The following PTBP2 variants were observed in gnomAD, a reference collection of about 807,000 sequenced individuals.
The protein encoded by PTBP2 is polypyrimidine tract-binding protein 2.
PTBP2 carries 13 observed loss-of-function variants against 61.4 expected under a neutral mutation model. That is an observed-to-expected ratio of 0.21 (90% confidence interval 0.14 to 0.34). The LOEUF is 0.34. PTBP2 is among the 10% of genes least tolerant of loss of function. The pLI is 1.00. For synonymous variants in PTBP2, 215 were observed against 218.5 expected (o/e 0.98, Z 0.14); for missense variants, 405 against 642.6 (o/e 0.63, Z 4.00).
At chr1:96,819,862 T>TAA (rs1482386675), downstream of PTBP2, 1 of 151,764 alleles carries the variant, frequency 6.6e-6, no homozygotes, top group Non-Finnish European at 1.5e-5. Context: ...GTCGAAGAAT[T>TAA]ACGGTTAAAG....
At chr1:96,732,047 T>A (rs975062385) in intron 2 of PTBP2, among the ~76,000 whole-genome samples, 8 of 152,164 alleles carry the variant, frequency 5.3e-5, no homozygotes, top group African/African-American at 1.9e-4. Context: ...TATTAATATA[T>A]CAAGACCTAT....
At chr1:96,796,290 CA>C (rs35764825) in intron 8 of PTBP2, among the ~76,000 whole-genome samples, 448 of 123,004 alleles carry the variant, frequency 3.6e-3, no homozygotes, top group African/African-American at 3.5e-3. Context: ...CCGTCTCCAC[CA>C]AAAAAAAAAA....
At chr1:96,767,959 T>G (rs188031512) in intron 3 of PTBP2, among the ~76,000 whole-genome samples, 2 of 152,116 alleles carry the variant, frequency 1.3e-5, no homozygotes, top group East Asian at 3.9e-4. Flanking sequence ...CCTAAGGGGA[T>G]TTTTAAATGC....
chr1:96,766,448 TC>T (rs537859444), intron 3 of PTBP2, among the ~76,000 whole-genome samples: 220 of 152,198 alleles, frequency 1.4e-3, no homozygotes, highest in African/African-American at 5.2e-3. Context: ...TCTCTTTCAT[TC>T]CCCCAGTAAA....
rs947307251 is a variant in PTBP2 at position 96,721,941 on chromosome 1, G to A, written c.8+69G>A. On this transcript the variant is annotated intron_variant, in intron 1 of 13. Transcript: ENST00000674951. ...TGGACCGTCCTTCGGCCCGGTCCCG[G>A]GCCGGGGAGAAACCCTCCCGCGGCC... 5 of 1,550,250 alleles carry A rather than the reference G, an allele frequency of 3.2e-6. No homozygotes were observed. The African/African-American group carries it at 6.8e-5, about 21-fold the overall frequency.
chr1:96,724,781 C>T (rs991004403), intron 2 of PTBP2, among the ~76,000 whole-genome samples: 4 of 151,908 alleles, frequency 2.6e-5, no homozygotes, highest in African/African-American at 4.8e-5. Context: ...GGGTGCAGCA[C>T]ACCAACATGG....
intron 9 of PTBP2, 100 bp from the exon 10 acceptor site, chr1:96,806,319 C>CG: frequency 1.0e-6 from 1 of 989,646 alleles, no homozygotes; most frequent in Non-Finnish European, 1.6e-6. Flanking sequence ...CACCATTCTG[C>CG]GGGAACCACC....
At chr1:96,733,724 A>G (rs537025733) in intron 2 of PTBP2, among the ~76,000 whole-genome samples, 119 of 152,280 alleles carry the variant, frequency 7.8e-4, no homozygotes, top group African/African-American at 2.7e-3. Flanking sequence ...TGACCCTTGA[A>G]CAACATGATT....
intron 9 of PTBP2, among the ~76,000 whole-genome samples, 163 bp downstream of exon 9, chr1:96,805,102 G>C (rs770145405): frequency 4.6e-5 from 7 of 151,602 alleles, no homozygotes; most frequent in Non-Finnish European, 1.0e-4. Flanking sequence ...ATATTGTTTA[G>C]GTAATACTTT....
chr1:96,743,998 A>C (rs1653404427), intron 2 of PTBP2, among the ~76,000 whole-genome samples: 1 of 152,046 alleles, frequency 6.6e-6, no homozygotes, highest in Non-Finnish European at 1.5e-5. Context: ...GCTCTACTAA[A>C]AATAAAATGT....
exon 14 of PTBP2, chr1:96,822,675 A>G (rs1662721120): frequency 1.3e-5 from 2 of 152,184 alleles, no homozygotes; most frequent in Non-Finnish European, 1.5e-5. Context: ...ACAAAACTTG[A>G]TGTTAGATTC....
At chr1:96,775,216 A>G (rs1657896784) in intron 5 of PTBP2, among the ~76,000 whole-genome samples, 1 of 152,220 alleles carries the variant, frequency 6.6e-6, no homozygotes, top group East Asian at 1.9e-4. Context: ...GGTGACAACC[A>G]TTTTTGAAAA....
intron 7 of PTBP2, chr1:96,784,805 A>G (rs1013191092): frequency 9.5e-6 from 3 of 317,128 alleles, no homozygotes; most frequent in Middle Eastern, 8.8e-4. Context: ...TTAAAAATTA[A>G]AAGTATTAGC....
In PTBP2 at chr1:96,769,712, A is replaced by G. The variant is rs1481337392; in HGVS notation, c.125A>G (p.Asn42Ser). 15 of 1,597,266 alleles carry G rather than the reference A, an allele frequency of 9.4e-6. No individual in the cohort carries two copies. Among genetic ancestry groups the G allele is most frequent in the Non-Finnish European group, 1.2e-5 (14 of 1,172,128 alleles). ...TTTTAATGTCTTTCAGCCAATGGTA[A>G]TGATAGTAAAAAATTTAAAGGAGAA... The part of the protein sequence containing the change: ...MSSMVVTANG[N>S]DSKKFKGEDK... Residue 42 changes from asparagine to serine, a missense_variant, in exon 4 of 14, where the codon AAT (asparagine) becomes AGT (serine). Physicochemically the swap from Asn to Ser is conservative, Grantham distance 46. Around this residue, in one of 4 missense-constraint regions of PTBP2, gnomAD observed 342 missense variants for 491.2 expected, o/e 0.70. Transcript: ENST00000674951.
chr1:96,729,222 A>G (rs1651025125), intron 2 of PTBP2, among the ~76,000 whole-genome samples: 1 of 152,068 alleles, frequency 6.6e-6, no homozygotes, highest in African/African-American at 2.4e-5. Context: ...GGGTTTCACC[A>G]TGTTGGCCAG....
intron 3 of PTBP2, among the ~76,000 whole-genome samples, chr1:96,755,125 G>T (rs1226830475): frequency 6.6e-6 from 1 of 152,156 alleles, no homozygotes; most frequent in Admixed American, 6.5e-5. Flanking sequence ...AATATTAAAA[G>T]ATTCAGTATA....
chr1:96,788,112 TTC>T (rs1486592829), intron 8 of PTBP2, among the ~76,000 whole-genome samples: 2 of 152,172 alleles, frequency 1.3e-5, no homozygotes, highest in African/African-American at 4.8e-5. Context: ...CTATTTTAAT[TTC>T]TGTTAAGATT....
At chr1:96,803,013 G>T (rs1661176644) in intron 8 of PTBP2, among the ~76,000 whole-genome samples, 2 of 152,112 alleles carry the variant, frequency 1.3e-5, no homozygotes, top group South Asian at 4.1e-4. Context: ...TAGGAATTAG[G>T]AATGTATACT....
intron 7 of PTBP2, 107 bp from the exon 8 acceptor site, chr1:96,784,952 G>C: frequency 2.3e-6 from 2 of 885,984 alleles, no homozygotes; most frequent in East Asian, 3.0e-5. Flanking sequence ...TTTCCTGGTA[G>C]CTTTTAAGTT....
Sources: gnomAD v4.1 joint callset for allele counts (sites outside exome capture counted in the v4.1 genomes callset) on GRCh38, gnomAD v4.1.1 for gene constraint, gnomAD v4.1.1 regional missense constraint, MANE v1.5 for transcripts, NCBI Gene and HGNC (gene_info 2026-07-23, HGNC 2026-07-21) for gene names.